CPA5: variants seen among roughly 807,000 people sequenced by gnomAD.
CPA5 encodes carboxypeptidase A5, also known as testicular tissue protein Li 32.
Under a neutral mutation model 52.2 loss-of-function variants are expected in CPA5, and 38 were observed. The observed-to-expected ratio is 0.73, with a 90% CI of 0.56 to 0.95. CPA5 has a LOEUF of 0.95. Ranked by LOEUF, CPA5 falls within the 40% of genes least tolerant of loss-of-function variation. The pLI is 0.00. For synonymous variants in CPA5, 198 were observed against 213.7 expected (o/e 0.93, Z 0.64); for missense variants, 519 against 566.7 (o/e 0.92, Z 0.86).
intron 5 of CPA5, among the ~76,000 whole-genome samples, chr7:130,351,337 T>A (rs1795128245): frequency 6.6e-6 from 1 of 152,192 alleles, no homozygotes; most frequent in Admixed American, 6.5e-5. Flanking sequence ...AGCCCCACCC[T>A]GGGAACTCCG....
chr7:130,362,077 C>T (rs1191109904), intron 7 of CPA5, among the ~76,000 whole-genome samples: 1 of 152,170 alleles, frequency 6.6e-6, no homozygotes, highest in African/African-American at 2.4e-5. Context: ...TTAGAAATGC[C>T]AAACCTCAGA....
downstream of CPA5, among the ~76,000 whole-genome samples, chr7:130,373,352 A>G (rs1276152282): frequency 6.6e-6 from 1 of 150,836 alleles, no homozygotes; most frequent in Non-Finnish European, 1.5e-5. Context: ...CCTTTACACC[A>G]GCAAAATTTA....
downstream of CPA5, among the ~76,000 whole-genome samples, chr7:130,372,266 C>G (rs1429621975): frequency 2.0e-5 from 3 of 152,242 alleles, no homozygotes; most frequent in African/African-American, 7.2e-5. Flanking sequence ...TGCTCACTCT[C>G]TCTGCACCTG....
chr7:130,367,707 G>A (rs1796176875), intron 11 of CPA5, 136 bp downstream of exon 11: 1 of 936,210 alleles, frequency 1.1e-6, no homozygotes, highest in South Asian at 1.5e-5. Context: ...GTGCGGGGGT[G>A]GGGTAGGGGG....
At chr7:130,352,370 G>C (rs1053239366) in intron 5 of CPA5, among the ~76,000 whole-genome samples, 6 of 152,144 alleles carry the variant, frequency 3.9e-5, no homozygotes, top group African/African-American at 1.4e-4. Flanking sequence ...GGGATGGAGG[G>C]GGGTAAATCG....
At chr7:130,363,742 G>A (rs782115235) in intron 10 of CPA5, among the ~76,000 whole-genome samples, 8 of 152,142 alleles carry the variant, frequency 5.3e-5, no homozygotes, top group African/African-American at 1.4e-4. Flanking sequence ...AAACCTTCAC[G>A]GGAAACAGTT....
downstream of CPA5, among the ~76,000 whole-genome samples, chr7:130,370,627 A>G (rs1387947238): frequency 6.6e-6 from 1 of 152,224 alleles, no homozygotes; most frequent in African/African-American, 2.4e-5. Context: ...ACAAGGCCAC[A>G]ATGGAGAGAA....
Position 130,351,125 on chromosome 7 carries a change from C to T in CPA5, c.333+1016C>T, listed in dbSNP as rs143084722. ...GAGCACAGGGCTGGGGAACTTTGGT[C>T]CTTTCAAAGACCTTTATCCCTCATC... On this transcript the variant is annotated intron_variant, in intron 5 of 12. Coordinates refer to ENST00000474905, the MANE Select transcript of CPA5 (RefSeq NM_080385.5). Among the ~76,000 whole-genome samples, 524 of 152,326 alleles carry T rather than the reference C, an allele frequency of 3.4e-3. 6 individuals are homozygous for T. The highest frequency in any genetic ancestry group is 0.012 in the African/African-American group (485 of 41,580).
intron 10 of CPA5, among the ~76,000 whole-genome samples, chr7:130,366,565 T>C (rs1218698581): frequency 6.6e-6 from 1 of 152,186 alleles, no homozygotes; most frequent in Non-Finnish European, 1.5e-5. Context: ...CTCTCCCTCA[T>C]CTTAAGTCCC....
chr7:130,348,879 C>G (rs1241997560), intron 4 of CPA5, among the ~76,000 whole-genome samples: 1 of 152,150 alleles, frequency 6.6e-6, no homozygotes, highest in Non-Finnish European at 1.5e-5. Context: ...AGAAACAACT[C>G]ATAAGTTTTA....
At position 130,355,276 on chromosome 7, in the gene CPA5, C is replaced by A. The variant is rs144554491; in HGVS notation, c.334-4313C>A. Among the ~76,000 whole-genome samples the A allele has an allele frequency of 8.5e-3, 1,287 of 152,292 alleles. 11 individuals carry two copies. Among genetic ancestry groups the A allele is most frequent in the Non-Finnish European group, 0.011 (777 of 68,012 alleles). On this transcript the variant is annotated intron_variant, in intron 5 of 12. Coordinates refer to ENST00000474905, the MANE Select transcript of CPA5 (RefSeq NM_080385.5). ...TCACCCCAAAGTTATTATCACCCTC[C>A]TTATCATTGTCACACTCCTCCTCAT...
chr7:130,374,418 C>T, the CPA5 span, among the ~76,000 whole-genome samples: 1 of 152,084 alleles, frequency 6.6e-6, no homozygotes, highest in Non-Finnish European at 1.5e-5. Flanking sequence ...CTGCAGTTCA[C>T]CTCTTGCTCT....
rs1466365042 is a variant in CPA5 at position 130,346,249 on chromosome 7, G to A, written c.-93-144G>A. On this transcript the variant is annotated intron_variant, in intron 2 of 12. Coordinates refer to ENST00000474905, the MANE Select transcript of CPA5 (RefSeq NM_080385.5). Reference sequence around the variant, plus strand: ...CTCCTGAGAGAAAAGAAAAGCTAAGGCCTGTCTTCCTCCTTCTCTCTTCCC... The same window carrying A: ...CTCCTGAGAGAAAAGAAAAGCTAAGACCTGTCTTCCTCCTTCTCTCTTCCC... 3 of 416,698 alleles carry A rather than the reference G, an allele frequency of 7.2e-6. No individual in the cohort carries two copies. The East Asian group carries it at 1.1e-4, about 15-fold the overall frequency. The allele number at this position is 416,698 out of a possible 1,614,324, so 25.8% of individuals were successfully genotyped here. A position where few individuals can be genotyped will look rare whatever the true frequency, so the allele number is the denominator to read the frequency against.
intron 4 of CPA5, among the ~76,000 whole-genome samples, chr7:130,348,553 G>A (rs969421282): frequency 1.3e-5 from 2 of 152,196 alleles, no homozygotes; most frequent in African/African-American, 4.8e-5. Flanking sequence ...CTACTTCTGC[G>A]GGGATGGGAA....
intron 8 of CPA5, 144 bp from the exon 9 acceptor site, chr7:130,362,740 A>G: frequency 4.6e-6 from 3 of 647,686 alleles, no homozygotes; most frequent in Non-Finnish European, 8.1e-6. Context: ...GTTGTTTAAA[A>G]TCCAAGCCTT....
chr7:130,353,873 T>C (rs1201749587), intron 5 of CPA5, among the ~76,000 whole-genome samples: 2 of 152,190 alleles, frequency 1.3e-5, no homozygotes, highest in Non-Finnish European at 2.9e-5. Context: ...ACCCAACTAA[T>C]TTGGAGTAGA....
chr7:130,372,981 G>A (rs1796308532), downstream of CPA5, among the ~76,000 whole-genome samples: 3 of 152,156 alleles, frequency 2.0e-5, no homozygotes, highest in Admixed American at 2.0e-4. Context: ...AGATTTGCAC[G>A]AGGCCCCACG....
Position 130,363,335 on chromosome 7 carries a change from T to C in CPA5, c.748-84T>C, listed in dbSNP as rs1554407307. The C allele has an allele frequency of 5.1e-6, 6 of 1,180,094 alleles. No homozygotes were observed. In the African/African-American group the frequency reaches 6.1e-5, roughly 12 times the overall value. The allele number at this position is 1,180,094 out of a possible 1,614,324, so 73.1% of individuals were successfully genotyped here. On this transcript the variant is annotated intron_variant, in intron 9 of 12. Transcript: ENST00000474905. ...TCCTCCCTGCCCCACTAGGGTCCCC[T>C]ACCCCCATAGGCCAGGATATCAGAG... is the stretch of plus-strand genomic sequence containing the variant.
chr7:130,365,716 T>C (rs1239407372), intron 10 of CPA5, among the ~76,000 whole-genome samples: 1 of 152,234 alleles, frequency 6.6e-6, no homozygotes, highest in African/African-American at 2.4e-5. Flanking sequence ...TGGCCTAAAG[T>C]GTTTCTCCAT....
Sources: gnomAD v4.1 joint callset for allele counts (sites outside exome capture counted in the v4.1 genomes callset) on GRCh38, gnomAD v4.1.1 for gene constraint, MANE v1.5 for transcripts, NCBI Gene and HGNC (gene_info 2026-07-23, HGNC 2026-07-21) for gene names.